FNTA: variants seen among roughly 807,000 people sequenced by gnomAD.
FNTA encodes farnesyltransferase, CAAX box, subunit alpha.
Under a neutral mutation model 55.2 loss-of-function variants are expected in FNTA, and 27 were observed. That is an observed-to-expected ratio of 0.49 (90% CI 0.36 to 0.67). FNTA has a LOEUF of 0.67. Ranked by LOEUF, FNTA falls within the 30% of genes least tolerant of loss-of-function variation. FNTA has a pLI of 0.00. For missense variants in FNTA, 422 were observed against 464.7 expected, an observed-to-expected ratio of 0.91 and a Z score of 0.85; for synonymous variants, 176 against 170.7, an observed-to-expected ratio of 1.03 and a Z score of -0.24.
At chr8:43,064,638 T>C (rs1474274487) in intron 3 of FNTA, among the ~76,000 whole-genome samples, 5 of 151,752 alleles carry the variant, frequency 3.3e-5, no homozygotes, top group African/African-American at 1.2e-4. Context: ...AAAATAGCAA[T>C]TCGCTTATGG....
At chr8:43,065,208 T>G (rs1251402609) in intron 3 of FNTA, among the ~76,000 whole-genome samples, 1 of 152,102 alleles carries the variant, frequency 6.6e-6, no homozygotes, top group Non-Finnish European at 1.5e-5. Flanking sequence ...CCATCACAAA[T>G]GAGCACTCAA....
In FNTA at chr8:43,069,792, A is replaced by T. The variant is rs929185641; in HGVS notation, c.506+133A>T. On this transcript the variant is annotated intron_variant, in intron 4 of 8. Transcript: ENST00000302279. The stretch of plus-strand genomic sequence containing the variant: ...CCTGGGTAGCTGGGATTACAGGTGC[A>T]CGCAACCACACCTGGCTAATTTTGT... 1.3e-5 allele frequency: 8 copies of T among 604,132 alleles called. No individual in the cohort carries two copies. The Admixed American group carries it at 2.0e-4, about 15-fold the overall frequency. The allele number at this position is 604,132 out of a possible 1,614,324, so 37.4% of individuals were successfully genotyped here.
At chr8:43,056,639 A>G (rs1810409207) in intron 1 of FNTA, 93 bp downstream of exon 1, 8 of 852,838 alleles carry the variant, frequency 9.4e-6, no homozygotes, top group Non-Finnish European at 1.2e-5. Context: ...CCGGCGCGCC[A>G]GGCCGAAGTT....
chr8:43,056,592 C>G (rs1810407981), intron 1 of FNTA, 46 bp downstream of exon 1: 3 of 1,219,648 alleles, frequency 2.5e-6, no homozygotes, highest in African/African-American at 3.1e-5. Flanking sequence ...CCCTGGAGGC[C>G]CAGCGGCCCC....
intron 2 of FNTA, chr8:43,063,157 T>C: frequency 2.4e-6 from 1 of 420,422 alleles, no homozygotes; most frequent in Non-Finnish European, 4.7e-6. Flanking sequence ...CATGGCTCAC[T>C]GCAGCCTTGA....
At chr8:43,080,530 A>G (rs886066966) in intron 6 of FNTA, 1 of 152,208 alleles carries the variant, frequency 6.6e-6, no homozygotes, top group Admixed American at 6.5e-5. Context: ...GGGAAAAAGA[A>G]AAGTCGTGTG....
intron 5 of FNTA, among the ~76,000 whole-genome samples, chr8:43,075,879 CTTT>C (rs111515423): frequency 2.1e-5 from 3 of 142,940 alleles, no homozygotes; most frequent in Non-Finnish European, 1.5e-5. Flanking sequence ...TTTTCTTTTT[CTTT>C]TTTTTTTTTG....
intron 3 of FNTA, among the ~76,000 whole-genome samples, chr8:43,064,809 CATTTTATTTT>C (rs548445675): frequency 6.6e-5 from 10 of 151,234 alleles, no homozygotes; most frequent in East Asian, 3.9e-4. Flanking sequence ...ATTATTTTTT[CATTTTATTTT>C]ATTTTATTTT....
At chr8:43,058,791 A>G (rs1460959046) in intron 1 of FNTA, among the ~76,000 whole-genome samples, 1 of 152,142 alleles carries the variant, frequency 6.6e-6, no homozygotes, top group Non-Finnish European at 1.5e-5. Context: ...AAATAAAATA[A>G]AAAAAAGTAC....
chr8:43,071,687 T>A (rs1810793390), intron 4 of FNTA, among the ~76,000 whole-genome samples: 1 of 147,130 alleles, frequency 6.8e-6, no homozygotes, highest in Non-Finnish European at 1.5e-5. Context: ...AGAGCGAGAC[T>A]TCGTCTCAAA....
intron 3 of FNTA, among the ~76,000 whole-genome samples, chr8:43,064,575 A>G (rs748553075): frequency 6.6e-6 from 1 of 152,090 alleles, no homozygotes; most frequent in Non-Finnish European, 1.5e-5. Context: ...GCGGCCTCCT[A>G]AAGTGTTTGG....
chr8:43,062,667 C>G (rs1276472671), intron 2 of FNTA, among the ~76,000 whole-genome samples: 1 of 152,178 alleles, frequency 6.6e-6, no homozygotes. Flanking sequence ...ATATTCGTGT[C>G]TGATACTTTC....
At chr8:43,058,545 G>A (rs1204623596) in intron 1 of FNTA, among the ~76,000 whole-genome samples, 1 of 152,102 alleles carries the variant, frequency 6.6e-6, no homozygotes, top group African/African-American at 2.4e-5. Context: ...GCCGAGGCGG[G>A]CGGATCACCA....
In FNTA at chr8:43,069,595, C is replaced by G; in HGVS notation, c.442C>G (p.Leu148Val). Reference sequence around the variant, plus strand: ...TCTTTTGAAGTCACTTCAGAAGGATCTACATGAGGAAATGAACTACATCAC... The same window carrying G: ...TCTTTTGAAGTCACTTCAGAAGGATGTACATGAGGAAATGAACTACATCAC... ...RVLLKSLQKD[L>V]HEEMNYITAI... Residue 148 changes from leucine to valine, a missense_variant, in exon 4 of 9, where the codon CTA (leucine) becomes GTA (valine). Leu to Val is a conservative substitution (Grantham distance 32). Transcript: ENST00000302279. 1 of 1,613,582 alleles carries G rather than the reference C, an allele frequency of 6.2e-7. No individual in the cohort carries two copies. The highest frequency in any genetic ancestry group is 8.5e-7 in the Non-Finnish European group (1 of 1,179,576).
At chr8:43,075,404 T>C (rs1810887480) in intron 5 of FNTA, among the ~76,000 whole-genome samples, 1 of 152,080 alleles carries the variant, frequency 6.6e-6, no homozygotes, top group African/African-American at 2.4e-5. Flanking sequence ...TTATCTTTTT[T>C]ATAATGTCCC....
rs1810395296 is a variant in FNTA, at chr8:43,056,331, T to G, written c.-16T>G. 1.4e-6 allele frequency: 2 copies of G among 1,404,100 alleles called. No homozygotes were observed. Among genetic ancestry groups the G allele is most frequent in the Non-Finnish European group, 1.8e-6 (2 of 1,088,370 alleles). 87.0% of individuals were successfully genotyped at this position (1,404,100 alleles called of 1,614,324 possible). Reference sequence around the variant, plus strand: ...GCGGGGCCTCCGCCACCACCTCAGCTGCGGACCGAGGCGAGATGGCGGCCA... The same window carrying G: ...GCGGGGCCTCCGCCACCACCTCAGCGGCGGACCGAGGCGAGATGGCGGCCA... On this transcript the variant is annotated 5_prime_UTR_variant, in exon 1 of 9. Coordinates refer to ENST00000302279, the MANE Select transcript of FNTA (RefSeq NM_002027.3).
chr8:43,083,512 G>T (rs1474993668), intron 7 of FNTA, among the ~76,000 whole-genome samples: 2 of 151,952 alleles, frequency 1.3e-5, no homozygotes, highest in Non-Finnish European at 2.9e-5. Context: ...GTAAAGCGGG[G>T]TAGTTTACAG....
intron 4 of FNTA, among the ~76,000 whole-genome samples, chr8:43,070,572 A>G (rs1265361226): frequency 2.6e-5 from 4 of 152,176 alleles, no homozygotes; most frequent in African/African-American, 9.7e-5. Flanking sequence ...TGCTAAAGAG[A>G]AATTGCTTTT....
intron 3 of FNTA, among the ~76,000 whole-genome samples, chr8:43,066,320 G>A (rs1238767702): frequency 3.3e-5 from 5 of 149,364 alleles, no homozygotes; most frequent in African/African-American, 7.5e-5. Flanking sequence ...GCAGTGGCTC[G>A]ATCTCTGCTC....
Sources: gnomAD v4.1 joint callset for allele counts (sites outside exome capture counted in the v4.1 genomes callset) on GRCh38, gnomAD v4.1.1 for gene constraint, MANE v1.5 for transcripts, NCBI Gene and HGNC (gene_info 2026-07-23, HGNC 2026-07-21) for gene names.